DYTN: variants seen among roughly 807,000 people sequenced by gnomAD.
DYTN encodes dystrotelin.
Under a neutral mutation model 69.6 loss-of-function variants are expected in DYTN, and 75 were observed. The observed-to-expected ratio is 1.08, with a 90% confidence interval of 0.89 to 1.31. The LOEUF is 1.31. Ranked by LOEUF, DYTN falls within the 50% of genes most tolerant of loss-of-function variation. The probability of loss-of-function intolerance (pLI) is 0.00; values close to 1 mark genes in which losing one functional copy is unlikely to be tolerated. For missense variants in DYTN, 726 were observed against 688.4 expected (o/e 1.05, Z -0.61); for synonymous variants, 252 against 249.1 (o/e 1.01, Z -0.11).
At chr2:206,669,037 C>A (rs1344054178) in intron 9 of DYTN, among the ~76,000 whole-genome samples, 1 of 152,196 alleles carries the variant, frequency 6.6e-6, no homozygotes, top group Admixed American at 6.5e-5. Flanking sequence ...ATTACCCAGT[C>A]TCAGGCGTTT....
intron 5 of DYTN, among the ~76,000 whole-genome samples, chr2:206,704,393 A>G (rs1361558797): frequency 6.6e-6 from 1 of 152,244 alleles, no homozygotes; most frequent in African/African-American, 2.4e-5. Flanking sequence ...CATGTCAGGC[A>G]CAAATTTTAA....
rs115656503 is a variant in DYTN at position 206,699,198 on chromosome 2, C to G, written c.719+529G>C. ...ACATGTAACTCAATGCTTTGGGAGG[C>G]TGAGGCAGGAGGTTCACTTAAGATC... On this transcript the variant is annotated intron_variant, in intron 7 of 11. Coordinates refer to ENST00000452335, the MANE Select transcript of DYTN (RefSeq NM_001093730.1). Among the ~76,000 whole-genome samples, 486 of 152,270 alleles carry G rather than the reference C, an allele frequency of 3.2e-3. 3 individuals carry two copies. Among genetic ancestry groups the G allele is most frequent in the African/African-American group, 0.01 (429 of 41,564 alleles).
chr2:206,675,976 G>C (rs1368225943), intron 9 of DYTN, among the ~76,000 whole-genome samples: 2 of 152,148 alleles, frequency 1.3e-5, no homozygotes, highest in Non-Finnish European at 2.9e-5. Context: ...TTTCACACTT[G>C]GTGGGAGTGT....
intron 5 of DYTN, among the ~76,000 whole-genome samples, chr2:206,700,780 G>A (rs1327547229): frequency 6.6e-6 from 1 of 151,950 alleles, no homozygotes; most frequent in Non-Finnish European, 1.5e-5. Context: ...CCCTCTGACA[G>A]GACCCAGTGT....
chr2:206,708,018 C>A (rs1700044221), intron 2 of DYTN, among the ~76,000 whole-genome samples: 1 of 152,120 alleles, frequency 6.6e-6, no homozygotes, highest in African/African-American at 2.4e-5. Flanking sequence ...CATAAAAGAG[C>A]AGTTACTCTT....
chr2:206,665,719 C>T, intron 10 of DYTN, 151 bp downstream of exon 10: 1 of 840,364 alleles, frequency 1.2e-6, no homozygotes, highest in African/African-American at 1.7e-5. Context: ...TAGGATATAG[C>T]CTGGATGAGG....
At chr2:206,676,615 G>A (rs951677947) in intron 9 of DYTN, among the ~76,000 whole-genome samples, 12 of 152,004 alleles carry the variant, frequency 7.9e-5, no homozygotes, top group East Asian at 1.9e-4. Context: ...TAGCTAATAC[G>A]TAAAAATATA....
At chr2:206,711,671 G>T (rs1700079446) in intron 1 of DYTN, among the ~76,000 whole-genome samples, 1 of 151,728 alleles carries the variant, frequency 6.6e-6, no homozygotes, top group Admixed American at 6.6e-5. Flanking sequence ...TGCCATGTGG[G>T]TGTGCTGCAC....
chr2:206,683,356 T>G (rs1052335843), intron 9 of DYTN, among the ~76,000 whole-genome samples: 1 of 130,356 alleles, frequency 7.7e-6, no homozygotes, highest in Non-Finnish European at 1.6e-5. Flanking sequence ...TTTTTTTTTT[T>G]TTTTTGAGAT....
chr2:206,705,833 C>T lies in DYTN; in HGVS notation c.337G>A (p.Ala113Thr). 6.2e-7 allele frequency: 1 copy of T among 1,613,864 alleles called. No individual in the cohort carries two copies. The highest frequency in any genetic ancestry group is 8.5e-7 in the Non-Finnish European group (1 of 1,179,856). ...CTGTCTCCTGAGAGGGTTATTAGGG[C>T]AGCGGCCGCAGGCATAAGCTGGAGA... is the stretch of plus-strand genomic sequence containing the variant. ...GFLQLMPAAA[A>T]LITLSGDSPL... is the part of the protein sequence containing the mutation. Residue 113 changes from alanine (A) to threonine (T), a missense_variant, in exon 4 of 12, where the codon GCC becomes ACC. Transcript: ENST00000452335.
intron 3 of DYTN, 130 bp from the exon 4 acceptor site, chr2:206,706,003 C>G: frequency 1.2e-6 from 1 of 850,220 alleles, no homozygotes; most frequent in Non-Finnish European, 1.9e-6. Context: ...TTTTTGTGGC[C>G]TCTTATCCTA....
chr2:206,706,416 A>G (rs1369738824), intron 3 of DYTN, among the ~76,000 whole-genome samples: 1 of 152,132 alleles, frequency 6.6e-6, no homozygotes, highest in Non-Finnish European at 1.5e-5. Context: ...GACAGTCAAA[A>G]GCTTAATGTT....
At chr2:206,693,445 A>G in intron 8 of DYTN, 122 bp from the exon 9 acceptor site, 3 of 1,268,218 alleles carry the variant, frequency 2.4e-6, no homozygotes, top group South Asian at 1.5e-5. Context: ...AGTCCTCAGA[A>G]AAATAATCTT....
At chr2:206,688,047 T>G (rs754808179) in intron 9 of DYTN, among the ~76,000 whole-genome samples, 2 of 152,216 alleles carry the variant, frequency 1.3e-5, no homozygotes, top group Non-Finnish European at 2.9e-5. Context: ...TATCTGGAAA[T>G]GCATTAAATT....
Position 206,705,777 on chromosome 2 carries a change from C to A in DYTN, c.382+11G>T, listed in dbSNP as rs191607923. On this transcript the variant is annotated intron_variant, in intron 4 of 11. Transcript: ENST00000452335. ...TGCACTTTAGGACACCCGCAGTCCTCTGCATGTTACCTCGGTATTTTGAAA... is the reference window on the plus strand; with the variant it reads ...TGCACTTTAGGACACCCGCAGTCCTATGCATGTTACCTCGGTATTTTGAAA... The A allele has an allele frequency of 4.0e-5, 64 of 1,613,150 alleles. No individual in the cohort carries two copies. In the Admixed American group the frequency reaches 1.1e-3, roughly 26 times the overall value.
intron 9 of DYTN, among the ~76,000 whole-genome samples, chr2:206,679,470 G>A (rs1409938600): frequency 6.6e-6 from 1 of 152,136 alleles, no homozygotes; most frequent in Non-Finnish European, 1.5e-5. Context: ...TCTTGTCCAG[G>A]TCAGACATTA....
rs377529149 is a variant in DYTN, at chr2:206,651,963, G to C, written c.1634-42C>G. 7 of 1,550,694 alleles carry C rather than the reference G, an allele frequency of 4.5e-6. No homozygotes were observed. In the South Asian group the frequency reaches 8.1e-5, roughly 18 times the overall value. On this transcript the variant is annotated intron_variant, in intron 11 of 11. Coordinates refer to ENST00000452335, the MANE Select transcript of DYTN (RefSeq NM_001093730.1). ...AGAGAGTCATTTAGAGAAACATACC[G>C]GTAGCTTCTCATGAAGATATTGATA...
chr2:206,657,584 T>C (rs909055659), intron 11 of DYTN, among the ~76,000 whole-genome samples: 1 of 152,240 alleles, frequency 6.6e-6, no homozygotes, highest in Non-Finnish European at 1.5e-5. Context: ...TTTCATTTTA[T>C]AGTATTTTGT....
In DYTN at chr2:206,659,185, T is replaced by TTTTG. The variant is rs1391807676; in HGVS notation, c.1633+3717_1633+3718insCAAA. Among the ~76,000 whole-genome samples, 9 of 138,062 alleles carry TTTTG rather than the reference T, an allele frequency of 6.5e-5. No homozygotes were observed. The East Asian group carries it at 1.9e-3, about 29-fold the overall frequency. 90.6% of individuals were successfully genotyped at this position (138,062 alleles called of 152,430 possible). A position where few individuals can be genotyped will look rare whatever the true frequency, so the allele number is the denominator to read the frequency against. Reference sequence around the variant, plus strand: ...GTCTCTTTTTTTTTTTTTTTTTTTTTTTTTGAGACGGAGTCTCACCCTGTC... The same window carrying TTTTG: ...GTCTCTTTTTTTTTTTTTTTTTTTTTTTTGTTTTGAGACGGAGTCTCACCCTGTC... On this transcript the variant is annotated intron_variant, in intron 11 of 11. Coordinates refer to ENST00000452335, the MANE Select transcript of DYTN (RefSeq NM_001093730.1).
Sources: allele counts gnomAD v4.1 joint callset (sites outside exome capture counted in the v4.1 genomes callset), GRCh38; gene constraint gnomAD v4.1.1; transcripts MANE v1.5; gene names NCBI Gene and HGNC (gene_info 2026-07-23, HGNC 2026-07-21).